The following ZDHHC7 variants were observed in gnomAD, a reference collection of about 807,000 sequenced individuals.
ZDHHC7 encodes zDHHC palmitoyltransferase 7, also known as palmitoyltransferase ZDHHC7.
A neutral mutation model predicts 34.1 loss-of-function variants in ZDHHC7; 12 were observed. That is an observed-to-expected ratio of 0.35 (90% CI 0.23 to 0.57). ZDHHC7 has a LOEUF of 0.57. ZDHHC7 is among the 20% of genes least tolerant of loss of function. The pLI is 0.84. For missense variants in ZDHHC7, 388 were observed against 402.7 expected (o/e 0.96, Z 0.31); for synonymous variants, 185 against 155.4 (o/e 1.19, Z -1.42).
intron 3 of ZDHHC7, among the ~76,000 whole-genome samples, chr16:84,986,844 T>G (rs1345614553): frequency 6.6e-6 from 1 of 151,864 alleles, no homozygotes; most frequent in Non-Finnish European, 1.5e-5. Flanking sequence ...AGTTCAGAGG[T>G]GATGTGATGG....
intron 3 of ZDHHC7, among the ~76,000 whole-genome samples, chr16:84,983,499 G>A (rs1268368898): frequency 6.6e-6 from 1 of 152,154 alleles, no homozygotes; most frequent in East Asian, 1.9e-4. Flanking sequence ...GGGCAGCACA[G>A]GCAGGGGGGC....
chr16:84,987,939 G>A (rs1366257544), intron 3 of ZDHHC7, among the ~76,000 whole-genome samples: 1 of 152,206 alleles, frequency 6.6e-6, no homozygotes, highest in East Asian at 1.9e-4. Flanking sequence ...GGAGGCCGAG[G>A]CGGGCAGATC....
At chr16:85,019,662 G>C in the ZDHHC7 span, among the ~76,000 whole-genome samples, 1 of 152,116 alleles carries the variant, frequency 6.6e-6, no homozygotes, top group African/African-American at 2.4e-5. Context: ...AGGTTACAGT[G>C]AGCCGAGATT....
rs186388003 is a variant in ZDHHC7, at chr16:84,976,797, G to A, written c.751-278C>T. On this transcript the variant is annotated intron_variant, in intron 7 of 7. Transcript: ENST00000313732. ...TACTGTGTACAGACATTTACTGAGC[G>A]CCACTCCAGGCCTGCAGAGCCAGGC... is the stretch of plus-strand genomic sequence containing the variant. 8.5e-5 allele frequency among the ~76,000 whole-genome samples: 13 copies of A among 152,320 alleles called. No homozygotes were observed. The East Asian group carries it at 2.1e-3, about 25-fold the overall frequency.
intron 1 of ZDHHC7, among the ~76,000 whole-genome samples, chr16:85,007,138 T>C (rs1454515281): frequency 6.6e-6 from 1 of 151,930 alleles, no homozygotes; most frequent in Non-Finnish European, 1.5e-5. Flanking sequence ...AAGAATGGAA[T>C]GGAGGCTGGG....
intron 1 of ZDHHC7, among the ~76,000 whole-genome samples, chr16:84,997,256 T>G (rs2072590974): frequency 6.8e-6 from 1 of 147,424 alleles, no homozygotes; most frequent in Non-Finnish European, 1.5e-5. Context: ...GTCTATAGAT[T>G]CTAAATTTTC....
chr16:84,977,365 C>G (rs2072311909), intron 6 of ZDHHC7, 140 bp from the exon 7 acceptor site: 2 of 1,104,158 alleles, frequency 1.8e-6, no homozygotes, highest in African/African-American at 1.6e-5. Flanking sequence ...TGGGCACATT[C>G]ATTGTTCTCC....
intron 3 of ZDHHC7, among the ~76,000 whole-genome samples, chr16:84,984,430 A>G (rs148836174): frequency 7.7e-4 from 117 of 152,248 alleles, no homozygotes; most frequent in African/African-American, 2.8e-3. Context: ...CGAGTGTTAC[A>G]CATCTCCTCA....
At chr16:84,987,082 A>G (rs2072446423) in intron 3 of ZDHHC7, among the ~76,000 whole-genome samples, 1 of 152,214 alleles carries the variant, frequency 6.6e-6, no homozygotes, top group Non-Finnish European at 1.5e-5. Flanking sequence ...AGAGACAGAC[A>G]AAGCCTGAGG....
chr16:84,999,034 C>T (rs1257568974), intron 1 of ZDHHC7, among the ~76,000 whole-genome samples: 5 of 152,306 alleles, frequency 3.3e-5, no homozygotes, highest in African/African-American at 1.2e-4. Context: ...GGATTAGAGG[C>T]GTGAGCCACC....
intron 3 of ZDHHC7, chr16:84,988,660 C>T (rs531147210): frequency 4.0e-5 from 39 of 970,416 alleles, no homozygotes; most frequent in Middle Eastern, 3.1e-4. Context: ...AGAGTCTGAG[C>T]GCAGAGGAGG....
Position 84,981,938 on chromosome 16 carries a change from C to A in ZDHHC7, c.372G>T (p.Lys124Asn), listed in dbSNP as rs1162094996. 1 of 1,614,234 alleles carries A rather than the reference C, an allele frequency of 6.2e-7. No homozygotes were observed. The highest frequency in any genetic ancestry group is 1.7e-5 in the Admixed American group (1 of 60,028). ...TKEYMESLQL[K>N]PGEVIYKCPK... ...GGCACTTGTAGATGACTTCCCCGGG[C>A]TTCAGCTGCAAGCTCTCCATGTATT... The change falls in exon 4 of 8, where the codon AAG (lysine) becomes AAT (asparagine). Residue 124 changes from lysine to asparagine, a missense_variant. By Grantham distance (94) the Lys-to-Asn change is moderately conservative. Transcript: ENST00000313732.
the ZDHHC7 span, among the ~76,000 whole-genome samples, chr16:85,024,421 TG>T: frequency 6.6e-6 from 1 of 151,894 alleles, no homozygotes; most frequent in Non-Finnish European, 1.5e-5. Context: ...TTAGTAGAGA[TG>T]GGGTTTCACC....
the ZDHHC7 span, among the ~76,000 whole-genome samples, chr16:85,025,031 C>T: frequency 1.3e-5 from 2 of 152,266 alleles, no homozygotes; most frequent in East Asian, 1.9e-4. Flanking sequence ...AATCCCAGCA[C>T]TTTGGGAGGC....
At chr16:85,015,559 A>G (rs1272148467), upstream of ZDHHC7, among the ~76,000 whole-genome samples, 1 of 152,156 alleles carries the variant, frequency 6.6e-6, no homozygotes, top group Admixed American at 6.5e-5. Flanking sequence ...TGTCAAATAA[A>G]TATACTTTGG....
At chr16:85,000,222 C>T (rs1268420441) in intron 1 of ZDHHC7, among the ~76,000 whole-genome samples, 1 of 152,140 alleles carries the variant, frequency 6.6e-6, no homozygotes, top group African/African-American at 2.4e-5. Flanking sequence ...AAAAAATACC[C>T]AGCACAGGTA....
At chr16:85,009,604 T>C (rs187200425) in intron 1 of ZDHHC7, among the ~76,000 whole-genome samples, 1 of 152,312 alleles carries the variant, frequency 6.6e-6, no homozygotes, top group African/African-American at 2.4e-5. Context: ...CCCTAACCTA[T>C]TTTCCAGAAT....
chr16:84,989,632 T>C (rs1027764858), intron 3 of ZDHHC7, among the ~76,000 whole-genome samples: 1 of 144,568 alleles, frequency 6.9e-6, no homozygotes, highest in African/African-American at 2.7e-5. Context: ...GAGGCAGAGG[T>C]TGCAGTGAGC....
At chr16:84,977,315 C>G in intron 6 of ZDHHC7, 90 bp from the exon 7 acceptor site, 1 of 1,507,000 alleles carries the variant, frequency 6.6e-7, no homozygotes, top group Non-Finnish European at 9.0e-7. Context: ...TAGGGCCAGC[C>G]CCTGGCCAGC....
Sources: allele counts gnomAD v4.1 joint callset (sites outside exome capture counted in the v4.1 genomes callset), GRCh38; gene constraint gnomAD v4.1.1; transcripts MANE v1.5; gene names NCBI Gene and HGNC (gene_info 2026-07-23, HGNC 2026-07-21).